TSHR: variants seen among roughly 807,000 people sequenced by gnomAD.
TSHR encodes the protein thyroid stimulating hormone receptor.
A neutral mutation model predicts 64.1 loss-of-function variants in TSHR; 51 were observed. The ratio of observed to expected loss-of-function variants is 0.80; its 90% CI spans 0.64 to 1.01. The LOEUF (loss-of-function observed/expected upper bound fraction) is 1.01, where lower values mean the gene tolerates loss of function less well. Ranked by LOEUF, TSHR falls within the 50% of genes least tolerant of loss-of-function variation. The pLI is 0.00. For synonymous variants in TSHR, 361 were observed against 361.9 expected (o/e 1.00, Z 0.03); for missense variants, 877 against 942.8 (o/e 0.93, Z 0.91).
chr14:81,077,423 T>C (rs1244687394), intron 3 of TSHR, among the ~76,000 whole-genome samples: 1 of 152,218 alleles, frequency 6.6e-6, no homozygotes, highest in Non-Finnish European at 1.5e-5. Context: ...TATTCATACA[T>C]ATATGTTTAG....
In TSHR at chr14:80,955,640, G is replaced by T. The variant is rs773554052; in HGVS notation, c.-41G>T. 62 of 1,611,910 alleles carry T rather than the reference G, an allele frequency of 3.8e-5. No homozygotes were observed. Among genetic ancestry groups the T allele is most frequent in the Admixed American group, 6.7e-5 (4 of 60,004 alleles). ...CGAGGTGCAGAGCTGAGAATGAGGC[G>T]ATTTCGGAGGATGGAGAAATAGCCC... On this transcript the variant is annotated 5_prime_UTR_variant, in exon 1 of 10. Coordinates refer to ENST00000298171, the MANE Select transcript of TSHR (RefSeq NM_000369.5).
At chr14:81,064,141 C>T (rs1270241710) in intron 2 of TSHR, among the ~76,000 whole-genome samples, 2 of 151,890 alleles carry the variant, frequency 1.3e-5, no homozygotes, top group Non-Finnish European at 2.9e-5. Flanking sequence ...ATTCCCTTGG[C>T]TATGTAGTGG....
rs182434854 is a variant in TSHR at position 81,084,977 on chromosome 14, A to G, written c.318-2977A>G. On this transcript the variant is annotated intron_variant, in intron 3 of 9. Coordinates refer to ENST00000298171, the MANE Select transcript of TSHR (RefSeq NM_000369.5). ...TCTCTATTTAATGATTGATTGATTG[A>G]TTGAGACAGAGTCTTGCTTTTTCGC... Among the ~76,000 whole-genome samples the G allele has an allele frequency of 4.4e-4, 67 of 152,166 alleles. 1 individual carries two copies. The highest frequency in any genetic ancestry group is 7.6e-4 in the Non-Finnish European group (52 of 67,998).
intron 1 of TSHR, chr14:80,991,404 G>A: frequency 2.6e-6 from 1 of 382,622 alleles, no homozygotes; most frequent in Non-Finnish European, 4.6e-6. Context: ...CAATAACTCA[G>A]GTTTGTTTTA....
At chr14:81,100,404 C>A (rs1451619019) in intron 7 of TSHR, among the ~76,000 whole-genome samples, 1 of 152,194 alleles carries the variant, frequency 6.6e-6, no homozygotes, top group African/African-American at 2.4e-5. Context: ...CTCAATACAA[C>A]AGTTTTGACA....
chr14:81,082,654 A>T (rs926156627), intron 3 of TSHR, among the ~76,000 whole-genome samples: 2 of 143,794 alleles, frequency 1.4e-5, no homozygotes, highest in Non-Finnish European at 1.5e-5. Flanking sequence ...AACAAGAGTT[A>T]AAAAGAAGCT....
intron 8 of TSHR, among the ~76,000 whole-genome samples, chr14:81,125,933 G>C (rs1283451042): frequency 6.6e-6 from 1 of 151,946 alleles, no homozygotes; most frequent in Non-Finnish European, 1.5e-5. Context: ...AATTTGAAGA[G>C]AGAGAGAGTA....
At chr14:80,956,911 C>A (rs1001864181) in intron 1 of TSHR, among the ~76,000 whole-genome samples, 1 of 152,154 alleles carries the variant, frequency 6.6e-6, no homozygotes, top group African/African-American at 2.4e-5. Flanking sequence ...TCCATGCTGC[C>A]ACCACAGAAT....
chr14:81,000,710 A>AT (rs1317669786), intron 1 of TSHR, among the ~76,000 whole-genome samples: 1 of 152,108 alleles, frequency 6.6e-6, no homozygotes, highest in Admixed American at 6.5e-5. Context: ...TCATGACAAA[A>AT]TCTTCCAGTT....
At chr14:81,066,050 G>A (rs1243572988) in intron 2 of TSHR, among the ~76,000 whole-genome samples, 1 of 152,110 alleles carries the variant, frequency 6.6e-6, no homozygotes, top group Non-Finnish European at 1.5e-5. Context: ...AGTAAGCAGG[G>A]AATCACAATT....
chr14:80,987,868 A>G (rs960198507), intron 1 of TSHR, among the ~76,000 whole-genome samples: 2 of 152,194 alleles, frequency 1.3e-5, no homozygotes, highest in Non-Finnish European at 2.9e-5. Context: ...ATCTCTGTAT[A>G]TGAAAATATT....
chr14:81,138,094 TCACTAACCG>T (rs1201852715), intron 8 of TSHR, among the ~76,000 whole-genome samples: 1 of 152,052 alleles, frequency 6.6e-6, no homozygotes, highest in African/African-American at 2.4e-5. Context: ...CTCCACTCTC[TCACTAACCG>T]CAAAGGTGTT....
chr14:80,983,655 G>C (rs1888288826), intron 1 of TSHR: 1 of 772,136 alleles, frequency 1.3e-6, no homozygotes, highest in Admixed American at 2.6e-5. Flanking sequence ...GCCAGAGATA[G>C]AACACTTTGA....
chr14:81,022,000 C>T (rs554115725), intron 1 of TSHR, among the ~76,000 whole-genome samples: 12 of 152,032 alleles, frequency 7.9e-5, no homozygotes, highest in East Asian at 3.9e-4. Context: ...CGGTGGCTCA[C>T]GCCTGTAATC....
chr14:81,128,878 T>C (rs1391486019), intron 8 of TSHR, among the ~76,000 whole-genome samples: 1 of 152,148 alleles, frequency 6.6e-6, no homozygotes, highest in Middle Eastern at 3.2e-3. Context: ...CCTGTTTTAT[T>C]TTTCCCCATG....
chr14:81,029,733 C>G (rs1395384673), intron 1 of TSHR, among the ~76,000 whole-genome samples: 1 of 151,954 alleles, frequency 6.6e-6, no homozygotes, highest in Admixed American at 6.6e-5. Flanking sequence ...GACATTTTTT[C>G]TAAAGAAAAG....
intron 1 of TSHR, among the ~76,000 whole-genome samples, chr14:81,058,746 C>T (rs1049714755): frequency 6.6e-6 from 1 of 152,106 alleles, no homozygotes; most frequent in South Asian, 2.1e-4. Flanking sequence ...TAGATGTGTA[C>T]TTTGCCTTTT....
At chr14:81,078,802 A>C (rs1887685516) in intron 3 of TSHR, 1 of 152,236 alleles carries the variant, frequency 6.6e-6, no homozygotes, top group Non-Finnish European at 1.5e-5. Flanking sequence ...AAAGCCAGGC[A>C]TGTAAGCACA....
rs1478825152 is a variant in TSHR, at chr14:80,979,814, G to T, written c.170+23964G>T. Among the ~76,000 whole-genome samples, 5 of 152,034 alleles carry T rather than the reference G, an allele frequency of 3.3e-5. No individual in the cohort carries two copies. In the East Asian group the frequency reaches 5.8e-4, roughly 18 times the overall value. On this transcript the variant is annotated intron_variant, in intron 1 of 9. Coordinates refer to ENST00000298171, the MANE Select transcript of TSHR (RefSeq NM_000369.5). The stretch of plus-strand genomic sequence containing the variant: ...TCTTGAATCTGTCTCCATTTCATTT[G>T]TTTTCATCTGAGTTCTCACCACTAA...
Sources: allele counts gnomAD v4.1 joint callset (sites outside exome capture counted in the v4.1 genomes callset), GRCh38; gene constraint gnomAD v4.1.1; transcripts MANE v1.5; gene names NCBI Gene and HGNC (gene_info 2026-07-23, HGNC 2026-07-21).